Variants in ALDH3B1 observed in about 807,000 individuals in gnomAD.
ALDH3B1 encodes aldehyde dehydrogenase family 3 member B1.
Under a neutral mutation model 46.2 loss-of-function variants are expected in ALDH3B1, and 37 were observed. That is an observed-to-expected ratio of 0.80 (90% CI 0.62 to 1.05). ALDH3B1 has a LOEUF of 1.05. Among genes scored for constraint, ALDH3B1 ranks in the 50% least tolerant of loss-of-function variants. The pLI is 0.00. For synonymous variants in ALDH3B1, 283 were observed against 281.0 expected, an observed-to-expected ratio of 1.01 and a Z score of -0.07; for missense variants, 603 against 665.5, an observed-to-expected ratio of 0.91 and a Z score of 1.03.
intron 8 of ALDH3B1, chr11:68,024,571 A>G (rs1318714848): frequency 1.3e-5 from 2 of 150,894 alleles, no homozygotes; most frequent in African/African-American, 4.9e-5. Flanking sequence ...TGAGTTTTGT[A>G]CTTTTGTGTG....
intron 9 of ALDH3B1, among the ~76,000 whole-genome samples, chr11:68,026,842 C>T (rs569508610): frequency 6.5e-4 from 99 of 152,322 alleles, no homozygotes; most frequent in African/African-American, 2.4e-3. Context: ...TGGAGGGCAG[C>T]CAGGGGCACA....
chr11:68,025,823 C>T (rs1188433662), intron 8 of ALDH3B1, among the ~76,000 whole-genome samples, 186 bp from the exon 9 acceptor site: 1 of 152,210 alleles, frequency 6.6e-6, no homozygotes, highest in African/African-American at 2.4e-5. Flanking sequence ...TTGGAAGCTT[C>T]ATGAGGAGCT....
At chr11:68,015,546 C>A in intron 2 of ALDH3B1, 87 bp downstream of exon 2, 5 of 1,522,420 alleles carry the variant, frequency 3.3e-6, no homozygotes, top group East Asian at 4.9e-5. Flanking sequence ...AAGACACCTG[C>A]GCCCTCCATG....
rs548258723 is a variant in ALDH3B1 at position 68,022,830 on chromosome 11, G to A, written c.1116+69G>A. The A allele has an allele frequency of 2.0e-5, 32 of 1,590,828 alleles. No homozygotes were observed. In the African/African-American group the frequency reaches 3.3e-4, roughly 17 times the overall value. ...GGCAGCACAAGTGGTGGCAGCAGGG[G>A]GGGCACCAAAATCCAGTGGCTTCAG... On this transcript the variant is annotated intron_variant, in intron 8 of 9. Transcript: ENST00000342456.
At position 68,027,817 on chromosome 11, in the gene ALDH3B1, C is replaced by T. The variant is rs1330130347; in HGVS notation, c.1285C>T (p.Leu429Phe). Residue 429 changes from leucine (L) to phenylalanine (F), a missense_variant, in exon 10 of 10, where the codon CTC (leucine) becomes TTC (phenylalanine). Transcript: ENST00000342456. ...FDTFSHHRAC[L>F]LRSPGMEKLN... ...CACCTTCTCCCACCATCGCGCCTGC[C>T]TCCTGCGCAGCCCGGGGATGGAGAA... The T allele has an allele frequency of 6.4e-7, 1 of 1,558,192 alleles. No individual in the cohort carries two copies. Among genetic ancestry groups the T allele is most frequent in the Non-Finnish European group, 8.7e-7 (1 of 1,150,296 alleles).
chr11:68,027,121 AG>A (rs1857644574), intron 9 of ALDH3B1, among the ~76,000 whole-genome samples: 1 of 151,606 alleles, frequency 6.6e-6, no homozygotes, highest in Admixed American at 6.6e-5. Flanking sequence ...AGCTCTGCCC[AG>A]GTCCCTAACA....
upstream of ALDH3B1, among the ~76,000 whole-genome samples, chr11:68,009,655 A>G (rs147898226): frequency 0.033 from 5,031 of 152,292 alleles, 282 homozygotes; most frequent in African/African-American, 0.11. Context: ...TTTCTCATAC[A>G]ATGTCTGGAA....
rs190671423 is a variant in ALDH3B1, at chr11:68,010,830, T to C, written c.-2+438T>C. On this transcript the variant is annotated intron_variant, in intron 1 of 9. Coordinates refer to ENST00000342456, the MANE Select transcript of ALDH3B1 (RefSeq NM_000694.4). Reference sequence around the variant, plus strand: ...TGCATGCCCAGTGCTGATGCAGGGATGTGGCCATGAATGACTCTGGGAAAG... The same window carrying C: ...TGCATGCCCAGTGCTGATGCAGGGACGTGGCCATGAATGACTCTGGGAAAG... Among the ~76,000 whole-genome samples, 433 of 152,308 alleles carry C rather than the reference T, an allele frequency of 2.8e-3. No homozygotes were observed. The Middle Eastern group carries it at 0.031, about 11-fold the overall frequency.
chr11:68,023,112 C>T (rs1210219938), intron 8 of ALDH3B1, among the ~76,000 whole-genome samples: 1 of 152,158 alleles, frequency 6.6e-6, no homozygotes, highest in African/African-American at 2.4e-5. Context: ...GGCAACGTGT[C>T]GGGGATGACC....
intron 1 of ALDH3B1, among the ~76,000 whole-genome samples, chr11:68,012,743 C>A (rs1184512011): frequency 1.3e-5 from 2 of 152,246 alleles, no homozygotes; most frequent in Non-Finnish European, 2.9e-5. Context: ...CAGGCCCCAG[C>A]CCAGTGTCCC....
intron 5 of ALDH3B1, 62 bp downstream of exon 5, chr11:68,019,317 C>G: frequency 6.8e-7 from 1 of 1,477,838 alleles, no homozygotes; most frequent in Non-Finnish European, 9.3e-7. Context: ...TGGGCAGCCC[C>G]TGGCATGGAA....
rs928991817 is a variant in ALDH3B1, at chr11:68,015,374, G to C, written c.77G>C (p.Arg26Pro). 8.4e-6 allele frequency: 13 copies of C among 1,551,178 alleles called. No homozygotes were observed. Among genetic ancestry groups the C allele is most frequent in the Non-Finnish European group, 1.1e-5 (13 of 1,147,368 alleles). Residue 26 changes from arginine to proline, a missense_variant, in exon 2 of 10, where the codon CGG (arginine) becomes CCG (proline). Arg to Pro is a moderately radical substitution (Grantham distance 103). Transcript: ENST00000342456. ...HAGRTRPAEF[R>P]AAQLQGLGRF... is the part of the protein sequence containing the mutation. ...GGGCGCACGCGGCCAGCTGAGTTCC[G>C]GGCTGCGCAGCTCCAAGGCCTGGGC...
chr11:68,012,676 C>T (rs997759566), intron 1 of ALDH3B1, among the ~76,000 whole-genome samples: 1 of 152,208 alleles, frequency 6.6e-6, no homozygotes, highest in African/African-American at 2.4e-5. Context: ...CTCCCCTCAC[C>T]GGTCACCCCT....
chr11:68,018,671 C>G (rs1565135580), intron 3 of ALDH3B1, 34 bp downstream of exon 3: 1 of 1,552,580 alleles, frequency 6.4e-7, no homozygotes, highest in Non-Finnish European at 8.7e-7. Context: ...GCAGGGGGCT[C>G]AGGGGATATT....
At chr11:68,021,239 G>A (rs1396382650) in intron 6 of ALDH3B1, among the ~76,000 whole-genome samples, 1 of 152,144 alleles carries the variant, frequency 6.6e-6, no homozygotes, top group African/African-American at 2.4e-5. Context: ...CTCAGCAGGG[G>A]GACCCTGGGG....
At chr11:68,025,229 G>C (rs1457985734) in intron 8 of ALDH3B1, 1 of 152,190 alleles carries the variant, frequency 6.6e-6, no homozygotes, top group African/African-American at 2.4e-5. Context: ...TCCTCCATCT[G>C]CTGCCACTGC....
intron 1 of ALDH3B1, among the ~76,000 whole-genome samples, 153 bp downstream of exon 1, chr11:68,010,545 C>T (rs1055918150): frequency 6.6e-6 from 1 of 152,220 alleles, no homozygotes; most frequent in African/African-American, 2.4e-5. Context: ...CATCTGCCTG[C>T]CTGCTGGGGG....
At chr11:68,021,008 A>C (rs1565137188) in intron 6 of ALDH3B1, among the ~76,000 whole-genome samples, 1 of 152,142 alleles carries the variant, frequency 6.6e-6, no homozygotes, top group Non-Finnish European at 1.5e-5. Context: ...CAAGGGTCAG[A>C]AAAAAAGGGC....
Position 68,028,107 on chromosome 11 carries a change from C to A in ALDH3B1, c.*168C>A. 2 of 928,324 alleles carry A rather than the reference C, an allele frequency of 2.2e-6. No homozygotes were observed. The highest frequency in any genetic ancestry group is 3.5e-6 in the Non-Finnish European group (2 of 569,698). 57.5% of individuals were successfully genotyped at this position (928,324 alleles called of 1,614,324 possible). A position where few individuals can be genotyped will look rare whatever the true frequency, so the allele number is the denominator to read the frequency against. Reference sequence around the variant, plus strand: ...CCTCCTGGGTCTTCCCTCTCCCTGCCTCAGCCTCCTCCCTCAGCCGCTCCC... The same window carrying A: ...CCTCCTGGGTCTTCCCTCTCCCTGCATCAGCCTCCTCCCTCAGCCGCTCCC... On this transcript the variant is annotated 3_prime_UTR_variant, in exon 10 of 10. Transcript: ENST00000342456.
Sources: gnomAD v4.1 joint callset for allele counts (sites outside exome capture counted in the v4.1 genomes callset) on GRCh38, gnomAD v4.1.1 for gene constraint, MANE v1.5 for transcripts, NCBI Gene and HGNC (gene_info 2026-07-23, HGNC 2026-07-21) for gene names.